Variants in IL18R1 observed in about 807,000 individuals in gnomAD.
IL18R1 encodes the protein interleukin-18 receptor 1.
A neutral mutation model predicts 48.5 loss-of-function variants in IL18R1; 40 were observed. The ratio of observed to expected loss-of-function variants is 0.82; its 90% CI spans 0.64 to 1.07. IL18R1 has a LOEUF of 1.07. Among genes scored for constraint, IL18R1 ranks in the 50% least tolerant of loss-of-function variants. IL18R1 has a pLI of 0.00. For synonymous variants in IL18R1, 232 were observed against 225.9 expected (o/e 1.03, Z -0.24); for missense variants, 596 against 633.7 (o/e 0.94, Z 0.64).
intron 5 of IL18R1, among the ~76,000 whole-genome samples, chr2:102,376,897 C>CTT (rs574895871): frequency 1.3e-5 from 2 of 152,120 alleles, no homozygotes; most frequent in African/African-American, 2.4e-5. Context: ...TTGTTGAAGT[C>CTT]TTTTTTTTCC....
intron 5 of IL18R1, among the ~76,000 whole-genome samples, chr2:102,379,951 T>C (rs1476683976): frequency 6.6e-6 from 1 of 152,202 alleles, no homozygotes; most frequent in Non-Finnish European, 1.5e-5. Flanking sequence ...TTTAAAGTAC[T>C]CAGCCTGCCA....
chr2:102,371,804 G>C, intron 3 of IL18R1, 149 bp from the exon 4 acceptor site: 1 of 567,802 alleles, frequency 1.8e-6, no homozygotes, highest in South Asian at 2.3e-5. Context: ...TGAATCAAGC[G>C]GAGGCAGAGC....
chr2:102,362,194 A>T (rs892709907), intron 1 of IL18R1, among the ~76,000 whole-genome samples: 28 of 152,278 alleles, frequency 1.8e-4, no homozygotes, highest in African/African-American at 6.7e-4. Flanking sequence ...CTAAATGAAG[A>T]TCTCATTACA....
In IL18R1 at chr2:102,375,906, G is replaced by A; in HGVS notation, c.469-1G>A. 1 of 1,558,018 alleles carries A rather than the reference G, an allele frequency of 6.4e-7. No homozygotes were observed. The highest frequency in any genetic ancestry group is 8.6e-7 in the Non-Finnish European group (1 of 1,158,932). On this transcript the variant is annotated splice_acceptor_variant, in intron 4 of 10. Transcript: ENST00000233957. LOFTEE classifies it high-confidence loss of function. ...ATTTTAACTTGTTTTATTAAAAACA[G>A]AACTGTAAAAAGCTACTACTGGAGA...
intron 2 of IL18R1, among the ~76,000 whole-genome samples, chr2:102,363,489 C>T (rs1678707007): frequency 6.6e-6 from 1 of 152,062 alleles, no homozygotes; most frequent in Non-Finnish European, 1.5e-5. Flanking sequence ...GCAATGGAAC[C>T]CTACCCAGAT....
At chr2:102,388,750 C>T (rs1266028695) in intron 8 of IL18R1, among the ~76,000 whole-genome samples, 2 of 152,152 alleles carry the variant, frequency 1.3e-5, no homozygotes, top group African/African-American at 4.8e-5. Context: ...TATGACTATG[C>T]AGTCCTTTCC....
At chr2:102,377,101 G>A (rs1679633755) in intron 5 of IL18R1, among the ~76,000 whole-genome samples, 1 of 152,088 alleles carries the variant, frequency 6.6e-6, no homozygotes, top group African/African-American at 2.4e-5. Context: ...TGTGTGGGTG[G>A]CTTGTTCAAC....
At chr2:102,386,766 A>G in intron 7 of IL18R1, 95 bp from the exon 8 acceptor site, 1 of 1,221,694 alleles carries the variant, frequency 8.2e-7, no homozygotes. Context: ...AATGCAGGCA[A>G]CATCACAGCT....
chr2:102,367,720 C>A, intron 2 of IL18R1, 105 bp from the exon 3 acceptor site: 1 of 943,776 alleles, frequency 1.1e-6, no homozygotes, highest in Non-Finnish European at 1.5e-6. Flanking sequence ...TCAGGACTTT[C>A]TTGCTAACCT....
intron 8 of IL18R1, 118 bp downstream of exon 8, chr2:102,387,118 C>G: frequency 9.5e-7 from 1 of 1,048,532 alleles, no homozygotes; most frequent in Admixed American, 2.2e-5. Flanking sequence ...GAGGGGAAAT[C>G]AGTCACCTCA....
At chr2:102,379,895 G>A (rs116182084) in intron 5 of IL18R1, among the ~76,000 whole-genome samples, 1 of 152,164 alleles carries the variant, frequency 6.6e-6, no homozygotes, top group East Asian at 1.9e-4. Flanking sequence ...GGGTCAGAGA[G>A]ATCTTGCTTT....
chr2:102,383,517 A>G (rs1250685671), intron 6 of IL18R1, among the ~76,000 whole-genome samples: 3 of 152,206 alleles, frequency 2.0e-5, no homozygotes, highest in Non-Finnish European at 4.4e-5. Context: ...TTTTATCATT[A>G]TGAAATATCT....
intron 4 of IL18R1, chr2:102,373,869 T>A (rs1679416999): frequency 2.9e-6 from 1 of 340,506 alleles, no homozygotes; most frequent in South Asian, 2.4e-5. Context: ...ATGCGAGGAA[T>A]CTATGTTGCA....
chr2:102,368,139 A>C (rs1346073607), intron 3 of IL18R1, 71 bp downstream of exon 3: 12 of 1,544,460 alleles, frequency 7.8e-6, no homozygotes, highest in Non-Finnish European at 1.1e-5. Flanking sequence ...TCAAATATGC[A>C]GTAATCTGAA....
chr2:102,382,577 C>T (rs765339673), intron 6 of IL18R1, among the ~76,000 whole-genome samples: 3 of 152,184 alleles, frequency 2.0e-5, no homozygotes, highest in Non-Finnish European at 4.4e-5. Context: ...ATCCTCCAAG[C>T]AACACTGAGG....
At position 102,394,563 on chromosome 2, in the gene IL18R1, G is replaced by A. The variant is rs774176965; in HGVS notation, c.1206G>A (p.Arg402=). 6.2e-7 allele frequency: 1 copy of A among 1,613,368 alleles called. No homozygotes were observed. The highest frequency in any genetic ancestry group is 1.7e-5 in the Admixed American group (1 of 60,008). ...CCTTTGCTGTGGAGATTTTGCCCAG[G>A]GTGTTGGAGAAACATTTTGGGTATA... ...EHTFAVEILP[R]VLEKHFGYKL... Residue 402 remains arginine (R), a synonymous_variant, in exon 10 of 11, where the codon AGG becomes AGA. Transcript: ENST00000233957.
At chr2:102,377,518 G>T (rs564865050) in intron 5 of IL18R1, among the ~76,000 whole-genome samples, 9 of 152,222 alleles carry the variant, frequency 5.9e-5, no homozygotes, top group Middle Eastern at 6.8e-3. Context: ...GGGTTTCACC[G>T]TGTTAGCCAG....
At chr2:102,363,467 AT>A (rs1243576593) in intron 2 of IL18R1, among the ~76,000 whole-genome samples, 1 of 152,206 alleles carries the variant, frequency 6.6e-6, no homozygotes, top group African/African-American at 2.4e-5. Context: ...TCCATTTATT[AT>A]TGAGATCCCT....
intron 4 of IL18R1, among the ~76,000 whole-genome samples, chr2:102,373,450 G>A (rs1211615131): frequency 6.6e-6 from 1 of 151,996 alleles, no homozygotes; most frequent in African/African-American, 2.4e-5. Flanking sequence ...TCACACACCG[G>A]GGCCTGTTGT....
Sources: gnomAD v4.1 joint callset for allele counts (sites outside exome capture counted in the v4.1 genomes callset) on GRCh38, gnomAD v4.1.1 for gene constraint, MANE v1.5 for transcripts, NCBI Gene and HGNC (gene_info 2026-07-23, HGNC 2026-07-21) for gene names.